SRGAP3: variants seen among roughly 807,000 people sequenced by gnomAD.
SRGAP3 encodes the protein SLIT-ROBO Rho GTPase activating protein 3.
SRGAP3 carries 39 observed loss-of-function variants against 121.1 expected under a neutral mutation model. The ratio of observed to expected loss-of-function variants is 0.32; its 90% CI spans 0.25 to 0.42. The LOEUF (loss-of-function observed/expected upper bound fraction) is 0.42, where lower values mean the gene tolerates loss of function less well. SRGAP3 is among the 10% of genes least tolerant of loss of function. The pLI is 1.00. For missense variants in SRGAP3, 1,213 were observed against 1,470.6 expected, an observed-to-expected ratio of 0.82 and a Z score of 2.86; for synonymous variants, 601 against 570.0, an observed-to-expected ratio of 1.05 and a Z score of -0.77.
chr3:9,271,037 A>C (rs1343067404), intron 3 of SRGAP3, among the ~76,000 whole-genome samples: 1 of 152,154 alleles, frequency 6.6e-6, no homozygotes, highest in South Asian at 2.1e-4. Context: ...TCAAATGCCT[A>C]AAGTGTTGGC....
chr3:9,338,888 A>T (rs1018410266), intron 1 of SRGAP3, among the ~76,000 whole-genome samples: 5 of 152,226 alleles, frequency 3.3e-5, no homozygotes, highest in Admixed American at 1.3e-4. Context: ...CCTCAATATT[A>T]TACAATCCCA....
At chr3:9,290,110 TA>T (rs369968790) in intron 3 of SRGAP3, among the ~76,000 whole-genome samples, 5,026 of 147,828 alleles carry the variant, frequency 0.034, 174 homozygotes, top group African/African-American at 0.081. Flanking sequence ...GACTCGGTCT[TA>T]AAAAAAAAAC....
At chr3:9,160,475 G>A (rs1375434828) in intron 1 of SRGAP3, among the ~76,000 whole-genome samples, 1 of 152,198 alleles carries the variant, frequency 6.6e-6, no homozygotes, top group Non-Finnish European at 1.5e-5. Context: ...GAGGAACTCA[G>A]GCCTCCAGCC....
At chr3:9,259,187 G>A (rs953271900) in intron 3 of SRGAP3, among the ~76,000 whole-genome samples, 2 of 148,234 alleles carry the variant, frequency 1.3e-5, no homozygotes, top group Non-Finnish European at 3.0e-5. Flanking sequence ...CTAACCAAAC[G>A]ACTACTCCAG....
intron 1 of SRGAP3, among the ~76,000 whole-genome samples, chr3:9,353,233 C>T (rs886764811): frequency 7.2e-5 from 11 of 152,240 alleles, no homozygotes; most frequent in African/African-American, 2.7e-4. Context: ...TCTGATATCA[C>T]ACAGGGAGGA....
At chr3:9,086,138 T>C (rs968370889) in intron 3 of SRGAP3, among the ~76,000 whole-genome samples, 1 of 152,254 alleles carries the variant, frequency 6.6e-6, no homozygotes, top group Non-Finnish European at 1.5e-5. Context: ...TCCCAGGGTC[T>C]GCTTCCTGGG....
chr3:9,025,367 T>A (rs1274852002), intron 13 of SRGAP3, 29 bp from the exon 14 acceptor site: 1 of 1,611,284 alleles, frequency 6.2e-7, no homozygotes, highest in Admixed American at 1.7e-5. Flanking sequence ...GAAAAAGAAA[T>A]AGTAAATCCA....
chr3:9,071,455 G>C (rs1946708358), intron 4 of SRGAP3, among the ~76,000 whole-genome samples: 1 of 152,142 alleles, frequency 6.6e-6, no homozygotes, highest in South Asian at 2.1e-4. Context: ...TGCTACCCTA[G>C]GGCTTCACTG....
At chr3:9,328,317 TG>T (rs1955551162) in intron 2 of SRGAP3, among the ~76,000 whole-genome samples, 1 of 152,206 alleles carries the variant, frequency 6.6e-6, no homozygotes, top group Admixed American at 6.5e-5. Flanking sequence ...CTACAGTAGT[TG>T]TACGATTTTT....
rs73015445 is a variant in SRGAP3, at chr3:9,079,544, C to T, written c.486+481G>A. Among the ~76,000 whole-genome samples the T allele has an allele frequency of 9.4e-3, 1,433 of 152,366 alleles. 12 individuals carry two copies. Among genetic ancestry groups the T allele is most frequent in the Non-Finnish European group, 0.015 (1,006 of 68,034 alleles). On this transcript the variant is annotated intron_variant, in intron 4 of 21. Transcript: ENST00000383836. ...TGGAGATGGCAATGCAGGCTCACCC[C>T]ATGACCTCCCGTGATCCTCGGAACC...
At chr3:9,067,223 T>C (rs1264489039) in intron 4 of SRGAP3, among the ~76,000 whole-genome samples, 1 of 150,142 alleles carries the variant, frequency 6.7e-6, no homozygotes, top group Non-Finnish European at 1.5e-5. Context: ...TGGAAATGCT[T>C]ACAAGCTCTG....
intron 2 of SRGAP3, among the ~76,000 whole-genome samples, chr3:9,111,220 T>A (rs1332636510): frequency 6.6e-6 from 1 of 152,192 alleles, no homozygotes; most frequent in African/African-American, 2.4e-5. Context: ...GAGTTAGAAG[T>A]GCAGAATGTG....
Position 9,104,850 on chromosome 3 carries a change from A to C in SRGAP3, c.261-8T>G. 6.2e-7 allele frequency: 1 copy of C among 1,614,204 alleles called. No homozygotes were observed. The highest frequency in any genetic ancestry group is 1.1e-5 in the South Asian group (1 of 91,080). ...AGGAGGTACTGGTCCTTCCTGTGGA[A>C]ACCAAGAAAGCTCAGGTTGGCTACA... is the stretch of plus-strand genomic sequence containing the variant. On this transcript the variant is annotated splice_polypyrimidine_tract_variant and splice_region_variant and intron_variant, in intron 2 of 21. Transcript: ENST00000383836.
At chr3:9,101,233 AAG>A (rs2124900181) in intron 3 of SRGAP3, among the ~76,000 whole-genome samples, 1 of 152,350 alleles carries the variant, frequency 6.6e-6, no homozygotes, top group East Asian at 1.9e-4. Context: ...AGGGCTGGAA[AAG>A]AGAGTCCAGT....
intron 4 of SRGAP3, among the ~76,000 whole-genome samples, chr3:9,075,386 T>TGCGC (rs749811889): frequency 3.5e-5 from 5 of 143,054 alleles, no homozygotes; most frequent in African/African-American, 1.4e-4. Context: ...TGTGTGTGTG[T>TGCGC]GTGTGCGCGC....
intron 3 of SRGAP3, among the ~76,000 whole-genome samples, chr3:9,282,923 G>C (rs575389112): frequency 9.4e-4 from 143 of 152,148 alleles, no homozygotes; most frequent in African/African-American, 2.7e-3. Flanking sequence ...CCAAAATTCA[G>C]CAAGTGGTAG....
intron 2 of SRGAP3, among the ~76,000 whole-genome samples, chr3:9,113,476 T>C (rs1948701422): frequency 6.6e-6 from 1 of 152,152 alleles, no homozygotes; most frequent in South Asian, 2.1e-4. Context: ...TTAGGGCCCT[T>C]CCCAATGACC....
At chr3:9,015,174 G>A (rs1445307720) in intron 15 of SRGAP3, among the ~76,000 whole-genome samples, 1 of 152,158 alleles carries the variant, frequency 6.6e-6, no homozygotes, top group African/African-American at 2.4e-5. Context: ...TGTCTGCAAG[G>A]CATTCAAGGT....
At chr3:9,249,762 A>C (rs1953957480), upstream of SRGAP3, 1 of 216,150 alleles carries the variant, frequency 4.6e-6, no homozygotes, top group Non-Finnish European at 9.3e-6. Context: ...AACTCACTGC[A>C]AGCAAAAAGG....
Sources: gnomAD v4.1 joint callset for allele counts (sites outside exome capture counted in the v4.1 genomes callset) on GRCh38, gnomAD v4.1.1 for gene constraint, MANE v1.5 for transcripts, NCBI Gene and HGNC (gene_info 2026-07-23, HGNC 2026-07-21) for gene names.